SLC39A10: variants seen among roughly 807,000 people sequenced by gnomAD.
SLC39A10 encodes solute carrier family 39 member 10.
A neutral mutation model predicts 65.1 loss-of-function variants in SLC39A10; 13 were observed. That is an observed-to-expected ratio of 0.20 (90% CI 0.13 to 0.32). The LOEUF is 0.32. SLC39A10 is among the 10% of genes least tolerant of loss of function. The probability of loss-of-function intolerance (pLI) is 1.00; values close to 1 mark genes in which losing one functional copy is unlikely to be tolerated. For synonymous variants in SLC39A10, 321 were observed against 342.2 expected, an observed-to-expected ratio of 0.94 and a Z score of 0.68; for missense variants, 831 against 1,018.4, an observed-to-expected ratio of 0.82 and a Z score of 2.50.
intron 1 of SLC39A10, among the ~76,000 whole-genome samples, 163 bp from the exon 2 acceptor site, chr2:195,679,869 T>C (rs1690234481): frequency 6.6e-6 from 1 of 152,222 alleles, no homozygotes; most frequent in Admixed American, 6.5e-5. Context: ...CTACCATTTG[T>C]GAATAATGAC....
At chr2:195,663,077 G>A (rs537639994) in intron 1 of SLC39A10, among the ~76,000 whole-genome samples, 21 of 152,270 alleles carry the variant, frequency 1.4e-4, no homozygotes, top group African/African-American at 5.1e-4. Flanking sequence ...CACACTGTTT[G>A]TAGCTACTTA....
chr2:195,625,227 A>AAAGG (rs1412124230), intron 2 of SLC39A10, among the ~76,000 whole-genome samples: 1 of 144,318 alleles, frequency 6.9e-6, no homozygotes, highest in Non-Finnish European at 1.5e-5. Context: ...AAAAAAAAAG[A>AAAGG]AAGAAAGAAA....
chr2:195,636,718 A>C (rs749106951), intron 2 of SLC39A10, among the ~76,000 whole-genome samples: 110 of 152,158 alleles, frequency 7.2e-4, no homozygotes, highest in Non-Finnish European at 1.1e-3. Context: ...GCGCCACTGC[A>C]CTCCAGCCTG....
At chr2:195,670,125 C>T (rs751738232) in intron 1 of SLC39A10, among the ~76,000 whole-genome samples, 1 of 152,012 alleles carries the variant, frequency 6.6e-6, no homozygotes, top group African/African-American at 2.4e-5. Flanking sequence ...TGCCACTGCA[C>T]TCCAGCCTGG....
chr2:195,680,864 C>T lies in SLC39A10; in HGVS notation c.822C>T (p.Asn274=), dbSNP rs1690280701. Residue 274 remains asparagine (N), a synonymous_variant, in exon 2 of 10, where the codon AAC becomes AAT. Coordinates refer to ENST00000359634, the MANE Select transcript of SLC39A10 (RefSeq NM_020342.3). ...TCCACAAACCTGATCGTGTACATAA[C>T]CCAGGTCATTCTCATGTACATCTTC... ...NRVHKPDRVH[N]PGHSHVHLPE... The T allele has an allele frequency of 1.2e-6, 2 of 1,614,100 alleles. No individual in the cohort carries two copies. The highest frequency in any genetic ancestry group is 2.2e-5 in the East Asian group (1 of 44,866).
At chr2:195,642,824 A>G (rs576221016) in intron 2 of SLC39A10, among the ~76,000 whole-genome samples, 5 of 152,194 alleles carry the variant, frequency 3.3e-5, no homozygotes, top group Non-Finnish European at 7.3e-5. Flanking sequence ...ATAATATATA[A>G]GAGGACCCAG....
intron 2 of SLC39A10, among the ~76,000 whole-genome samples, chr2:195,634,621 A>G (rs1225807499): frequency 1.3e-5 from 2 of 152,216 alleles, no homozygotes; most frequent in Non-Finnish European, 2.9e-5. Context: ...AAGAATATGT[A>G]TGAGTAAAGA....
chr2:195,647,864 T>C (rs1688957670), intron 2 of SLC39A10, among the ~76,000 whole-genome samples: 1 of 152,182 alleles, frequency 6.6e-6, no homozygotes, highest in Non-Finnish European at 1.5e-5. Context: ...AAACTTTTGC[T>C]TAAAGATATA....
intron 4 of SLC39A10, among the ~76,000 whole-genome samples, chr2:195,708,210 G>A (rs533025913): frequency 1.5e-4 from 23 of 151,956 alleles, no homozygotes; most frequent in Non-Finnish European, 2.8e-4. Context: ...TAAAATAAAA[G>A]TTAAAAGAAA....
At position 195,681,006 on chromosome 2, in the gene SLC39A10, A is replaced by C; in HGVS notation, c.964A>C (p.Ile322Leu). 6.2e-7 allele frequency: 1 copy of C among 1,612,916 alleles called. No individual in the cohort carries two copies. Among genetic ancestry groups the C allele is most frequent in the South Asian group, 1.1e-5 (1 of 90,832 alleles). Residue 322 changes from isoleucine to leucine, a missense_variant, in exon 2 of 10, where the codon ATT becomes CTT. By Grantham distance (5) the Ile-to-Leu change is conservative. Around this residue, in one of 4 missense-constraint regions of SLC39A10, gnomAD observed 446 missense variants for 499.2 expected, o/e 0.89. Coordinates refer to ENST00000359634, the MANE Select transcript of SLC39A10 (RefSeq NM_020342.3). ...EAPHVKNNAI[I>L]SLRKDLNEDD... ...ACCACATGTTAAAAATAATGCAATA[A>C]TTTCTTTGAGAAAAGATCTAAATGA...
intron 1 of SLC39A10, among the ~76,000 whole-genome samples, chr2:195,678,170 C>T (rs1398046104): frequency 6.6e-6 from 1 of 152,218 alleles, no homozygotes; most frequent in South Asian, 2.1e-4. Context: ...CATAGGCTTA[C>T]ATTCAGCTTC....
chr2:195,706,566 G>T (rs751684682), intron 3 of SLC39A10, 50 bp from the exon 4 acceptor site: 8 of 1,509,592 alleles, frequency 5.3e-6, no homozygotes, highest in Non-Finnish European at 6.4e-6. Context: ...TTGGTAGTCT[G>T]TTGGTTTAAA....
intron 9 of SLC39A10, among the ~76,000 whole-genome samples, chr2:195,732,404 A>G (rs1391190503): frequency 6.6e-6 from 1 of 152,202 alleles, no homozygotes; most frequent in Non-Finnish European, 1.5e-5. Flanking sequence ...ATCAGTATCA[A>G]AGCATTTTTA....
intron 3 of SLC39A10, among the ~76,000 whole-genome samples, chr2:195,702,089 C>T (rs1691214923): frequency 6.6e-6 from 1 of 151,818 alleles, no homozygotes; most frequent in Admixed American, 6.6e-5. Flanking sequence ...TATTTATTGC[C>T]TGGCTCCCAA....
chr2:195,668,515 A>G (rs1005149941), intron 1 of SLC39A10, among the ~76,000 whole-genome samples: 2 of 152,254 alleles, frequency 1.3e-5, no homozygotes, highest in Admixed American at 6.5e-5. Flanking sequence ...TAAGCAACTT[A>G]TAGTATCTTT....
In SLC39A10 at chr2:195,727,179, TTTC is replaced by T. The variant is rs879692636; in HGVS notation, c.2147-974_2147-972del. On this transcript the variant is annotated intron_variant, in intron 8 of 9. Coordinates refer to ENST00000359634, the MANE Select transcript of SLC39A10 (RefSeq NM_020342.3). ...TAGACAGATGAATAAGAAAAGTGCCTTTCTTCTTATTTGGAGGGAGGGGGTGGC... is the reference window on the plus strand; with the variant it reads ...TAGACAGATGAATAAGAAAAGTGCCTTTCTTATTTGGAGGGAGGGGGTGGC... Among the ~76,000 whole-genome samples, 6 of 152,140 alleles carry T rather than the reference TTTC, an allele frequency of 3.9e-5. 1 individual carries two copies. Among genetic ancestry groups the T allele is most frequent in the African/African-American group, 7.2e-5 (3 of 41,446 alleles).
At chr2:195,724,614 A>T (rs2165060) in intron 8 of SLC39A10, among the ~76,000 whole-genome samples, 84 of 151,890 alleles carry the variant, frequency 5.5e-4, no homozygotes, top group Non-Finnish European at 8.4e-4. Flanking sequence ...TGTAATATTT[A>T]GCTTAAATCT....
chr2:195,704,949 C>T (rs1691345623), intron 3 of SLC39A10, among the ~76,000 whole-genome samples: 2 of 152,056 alleles, frequency 1.3e-5, no homozygotes, highest in African/African-American at 4.8e-5. Flanking sequence ...AGGCATGTAC[C>T]ACCGCGCTTG....
intron 2 of SLC39A10, among the ~76,000 whole-genome samples, chr2:195,627,324 C>G (rs967043684): frequency 6.6e-6 from 1 of 152,134 alleles, no homozygotes; most frequent in Non-Finnish European, 1.5e-5. Flanking sequence ...AGCAAAATAG[C>G]TACAACTTCA....
Sources: gnomAD v4.1 joint callset for allele counts (sites outside exome capture counted in the v4.1 genomes callset) on GRCh38, gnomAD v4.1.1 for gene constraint, gnomAD v4.1.1 regional missense constraint, MANE v1.5 for transcripts, NCBI Gene and HGNC (gene_info 2026-07-23, HGNC 2026-07-21) for gene names.